The following SCN7A variants were observed in gnomAD, a reference collection of about 807,000 sequenced individuals.
SCN7A encodes sodium voltage-gated channel alpha subunit 7, also known as sodium channel protein type 7 subunit alpha.
In SCN7A, 138 loss-of-function variants were observed where a neutral mutation model predicts 155.2. The ratio of observed to expected loss-of-function variants is 0.89; its 90% CI spans 0.77 to 1.02. SCN7A has a LOEUF of 1.02. SCN7A is among the 50% of genes least tolerant of loss of function. SCN7A has a pLI of 0.00. For missense variants in SCN7A, 2,058 were observed against 1,986.6 expected (o/e 1.04, Z -0.68); for synonymous variants, 693 against 649.0 (o/e 1.07, Z -1.03).
At position 166,479,806 on chromosome 2, in the gene SCN7A, C is replaced by T. The variant is rs188136653; in HGVS notation, c.-14-2096G>A. Among the ~76,000 whole-genome samples the T allele has an allele frequency of 2.9e-3, 434 of 152,114 alleles. 2 individuals are homozygous for T. The highest frequency in any genetic ancestry group is 4.0e-3 in the Non-Finnish European group (273 of 67,982). On this transcript the variant is annotated intron_variant, in intron 2 of 25. Transcript: ENST00000643258. ...AAAGACAGGGATATTTTTGCAATAG[C>T]AGTGGTTTCTTATGCCCAAGTCCCT...
Position 166,444,854 on chromosome 2 carries a change from T to A in SCN7A, c.1534A>T (p.Ile512Phe), listed in dbSNP as rs770071457. 5.0e-6 allele frequency: 8 copies of A among 1,612,372 alleles called. No individual in the cohort carries two copies. The Middle Eastern group carries it at 9.9e-4, about 200-fold the overall frequency. ...CATACGTTTAAAATTATGCATATGATAAGGAAAAGATCAGTAAATGGTGCC... is the reference window on the plus strand; with the variant it reads ...CATACGTTTAAAATTATGCATATGAAAAGGAAAAGATCAGTAAATGGTGCC... ...IMAPFTDLFL[I>F]ICIILNVCFL... The change falls in exon 13 of 26, where the codon ATC becomes TTC. Residue 512 changes from isoleucine (I) to phenylalanine (F), a missense_variant. Ile to Phe is a conservative substitution (Grantham distance 21). Transcript: ENST00000643258.
intron 6 of SCN7A, among the ~76,000 whole-genome samples, 185 bp from the exon 7 acceptor site, chr2:166,470,891 T>C (rs940998846): frequency 2.1e-4 from 32 of 151,820 alleles, no homozygotes; most frequent in African/African-American, 7.7e-4. Context: ...CAGTGGAAAG[T>C]GGCCAGGTAA....
intron 17 of SCN7A, 112 bp from the exon 18 acceptor site, chr2:166,428,054 A>G: frequency 9.2e-7 from 1 of 1,088,862 alleles, no homozygotes; most frequent in East Asian, 2.5e-5. Flanking sequence ...ATTCTAATCC[A>G]GGTTGTCTCT....
intron 11 of SCN7A, among the ~76,000 whole-genome samples, chr2:166,448,154 A>G (rs1259572028): frequency 6.6e-6 from 1 of 152,010 alleles, no homozygotes; most frequent in African/African-American, 2.4e-5. Flanking sequence ...CCAATAAACT[A>G]TCTACTTTTA....
At chr2:166,481,010 C>T (rs887207389) in intron 2 of SCN7A, among the ~76,000 whole-genome samples, 2 of 152,116 alleles carry the variant, frequency 1.3e-5, no homozygotes, top group Non-Finnish European at 2.9e-5. Context: ...TAAGATAGGC[C>T]TATAAGGACT....
chr2:166,492,179 G>A (rs1471506973), intron 1 of SCN7A, among the ~76,000 whole-genome samples: 2 of 152,100 alleles, frequency 1.3e-5, no homozygotes, highest in Non-Finnish European at 2.9e-5. Context: ...TACTCCAGTA[G>A]AGACTGATAT....
rs756260390 is a variant in SCN7A at position 166,427,842 on chromosome 2, G to A, written c.2799C>T (p.Asn933=). The A allele has an allele frequency of 3.1e-6, 5 of 1,612,310 alleles. No individual in the cohort carries two copies. The highest frequency in any genetic ancestry group is 1.7e-5 in the Admixed American group (1 of 59,750). ...IRKTCCKIVE[N]NWFKCFIGLV... Reference sequence around the variant, plus strand: ...GCCCAATAAAACACTTAAACCAATTGTTCTCTACAATCTTGCAGCAGGTTT... The same window carrying A: ...GCCCAATAAAACACTTAAACCAATTATTCTCTACAATCTTGCAGCAGGTTT... The change falls in exon 18 of 26, where the codon AAC becomes AAT. Residue 933 remains asparagine, a synonymous_variant. Transcript: ENST00000643258.
At chr2:166,450,172 C>T (rs965368040) in intron 11 of SCN7A, among the ~76,000 whole-genome samples, 8 of 152,088 alleles carry the variant, frequency 5.3e-5, no homozygotes, top group Non-Finnish European at 8.8e-5. Flanking sequence ...TGAACATGGA[C>T]GCAGCTGGAG....
At chr2:166,441,968 A>G (rs1701971486) in intron 14 of SCN7A, among the ~76,000 whole-genome samples, 1 of 152,176 alleles carries the variant, frequency 6.6e-6, no homozygotes, top group Non-Finnish European at 1.5e-5. Context: ...TCTTCTACTG[A>G]TGTATTTGCC....
At chr2:166,475,099 T>TAC (rs1329495704) in intron 3 of SCN7A, among the ~76,000 whole-genome samples, 2 of 89,438 alleles carry the variant, frequency 2.2e-5, no homozygotes, top group Non-Finnish European at 4.7e-5. Flanking sequence ...TATACACATA[T>TAC]ATATGTATAT....
chr2:166,441,584 C>A lies in SCN7A; in HGVS notation c.1969G>T (p.Val657Phe). 6.2e-7 allele frequency: 1 copy of A among 1,613,940 alleles called. No homozygotes were observed. The highest frequency in any genetic ancestry group is 1.3e-5 in the African/African-American group (1 of 75,014). The change falls in exon 15 of 26, where the codon GTC becomes TTC. Residue 657 changes from valine to phenylalanine, a missense_variant. Transcript: ENST00000643258. ...TGACAGTCTTTGTCTATGTGGCAGA[C>A]AAATTCTTCATAATTCTTACCAAAC... ...KLFGKNYEEF[V>F]CHIDKDCQLP... is the part of the protein sequence containing the mutation.
chr2:166,454,284 ATTTG>A (rs1702232863), intron 11 of SCN7A, among the ~76,000 whole-genome samples: 1 of 152,138 alleles, frequency 6.6e-6, no homozygotes, highest in Non-Finnish European at 1.5e-5. Flanking sequence ...AGCTTTTGAA[ATTTG>A]TTTTTCTGTG....
At chr2:166,468,580 C>A (rs1702586744) in intron 7 of SCN7A, among the ~76,000 whole-genome samples, 1 of 152,022 alleles carries the variant, frequency 6.6e-6, no homozygotes, top group East Asian at 1.9e-4. Context: ...AACTCACTAA[C>A]AGCAGTAATT....
intron 2 of SCN7A, among the ~76,000 whole-genome samples, chr2:166,478,706 AT>A: frequency 1.3e-5 from 2 of 152,090 alleles, no homozygotes; most frequent in Middle Eastern, 3.4e-3. Context: ...ATTTTCTATG[AT>A]TCTTGAATAC....
intron 21 of SCN7A, among the ~76,000 whole-genome samples, chr2:166,413,683 C>G (rs1032734694): frequency 1.3e-4 from 19 of 151,804 alleles, no homozygotes; most frequent in Middle Eastern, 3.4e-3. Flanking sequence ...AGTCAGTGGG[C>G]TGGGGAAGAC....
At chr2:166,478,393 A>G (rs572601891) in intron 2 of SCN7A, among the ~76,000 whole-genome samples, 16 of 151,672 alleles carry the variant, frequency 1.1e-4, no homozygotes, top group Admixed American at 9.9e-4. Flanking sequence ...CCTCTGTTAT[A>G]TCTATCATTC....
chr2:166,476,040 T>C (rs1702790317), intron 3 of SCN7A, among the ~76,000 whole-genome samples: 1 of 151,882 alleles, frequency 6.6e-6, no homozygotes, highest in South Asian at 2.1e-4. Flanking sequence ...CTGTGCCATA[T>C]CAATTATTAT....
intron 20 of SCN7A, among the ~76,000 whole-genome samples, chr2:166,417,458 C>A (rs60440264): frequency 6.6e-6 from 1 of 151,822 alleles, no homozygotes; most frequent in African/African-American, 2.4e-5. Flanking sequence ...GGGCAACAGA[C>A]CCAGACTCCA....
chr2:166,412,401 A>G (rs1701220964), intron 23 of SCN7A, 129 bp downstream of exon 23: 1 of 1,067,696 alleles, frequency 9.4e-7, no homozygotes, highest in Non-Finnish European at 1.2e-6. Context: ...TGATTTTTTA[A>G]GATACATGTC....
Sources: gnomAD v4.1 joint callset for allele counts (sites outside exome capture counted in the v4.1 genomes callset) on GRCh38, gnomAD v4.1.1 for gene constraint, MANE v1.5 for transcripts, NCBI Gene and HGNC (gene_info 2026-07-23, HGNC 2026-07-21) for gene names.